The following PDE1C variants were observed in gnomAD, a reference collection of about 807,000 sequenced individuals.
The protein encoded by PDE1C is phosphodiesterase 1C.
Under a neutral mutation model 93.1 loss-of-function variants are expected in PDE1C, and 62 were observed. The observed-to-expected ratio is 0.67, with a 90% CI of 0.54 to 0.82. The LOEUF is 0.82. Ranked by LOEUF, PDE1C falls within the 40% of genes least tolerant of loss-of-function variation. The pLI is 0.00. For missense variants in PDE1C, 742 were observed against 884.6 expected (o/e 0.84, Z 2.04); for synonymous variants, 325 against 310.1 (o/e 1.05, Z -0.50).
At chr7:32,121,758 T>G (rs1799313299) in intron 3 of PDE1C, among the ~76,000 whole-genome samples, 1 of 152,130 alleles carries the variant, frequency 6.6e-6, no homozygotes, top group South Asian at 2.1e-4. Flanking sequence ...TACCAGACAC[T>G]GCAAAAACAC....
chr7:32,059,285 GT>G (rs1794507681), intron 1 of PDE1C, among the ~76,000 whole-genome samples: 1 of 152,332 alleles, frequency 6.6e-6, no homozygotes, highest in Admixed American at 6.5e-5. Context: ...AAGCAGAGAT[GT>G]AAATAAGACA....
intron 16 of PDE1C, among the ~76,000 whole-genome samples, chr7:31,781,830 AAT>A (rs1783439141): frequency 6.6e-6 from 1 of 152,168 alleles, no homozygotes; most frequent in East Asian, 1.9e-4. Flanking sequence ...GTGTGATTTG[AAT>A]ATGTCTGTTC....
intron 3 of PDE1C, among the ~76,000 whole-genome samples, chr7:32,124,844 A>G (rs1376793390): frequency 1.3e-5 from 2 of 152,210 alleles, no homozygotes; most frequent in Non-Finnish European, 2.9e-5. Context: ...GCCAAAAGCA[A>G]TTGCAACAAG....
At chr7:31,922,762 A>C (rs1802786793) in intron 2 of PDE1C, among the ~76,000 whole-genome samples, 1 of 152,192 alleles carries the variant, frequency 6.6e-6, no homozygotes, top group Admixed American at 6.5e-5. Flanking sequence ...AAAATCGTTC[A>C]CTCAGTGGTT....
intron 1 of PDE1C, among the ~76,000 whole-genome samples, chr7:32,210,451 C>A (rs1805938848): frequency 6.6e-6 from 1 of 152,210 alleles, no homozygotes; most frequent in African/African-American, 2.4e-5. Flanking sequence ...CTAACGTCAT[C>A]ATGAATGTAT....
At chr7:32,295,929 T>C (rs953633895) in intron 1 of PDE1C, among the ~76,000 whole-genome samples, 11 of 149,746 alleles carry the variant, frequency 7.3e-5, no homozygotes, top group African/African-American at 1.2e-4. Flanking sequence ...GTACTTATGA[T>C]ATACTCAAAG....
the PDE1C span, among the ~76,000 whole-genome samples, chr7:31,739,775 C>T: frequency 6.6e-6 from 1 of 152,070 alleles, no homozygotes; most frequent in South Asian, 2.1e-4. Context: ...CCCAACTAAA[C>T]AAAAATGTAA....
At position 31,809,115 on chromosome 7, in the gene PDE1C, G is replaced by A; in HGVS notation, c.1814-7C>T. On this transcript the variant is annotated splice_region_variant and splice_polypyrimidine_tract_variant and intron_variant, in intron 15 of 17. Transcript: ENST00000396191. ...TTACCATCTTTGAAGTCACCTGAAA[G>A]TAATAAACATGACAAACAGTATATG... The A allele has an allele frequency of 6.7e-7, 1 of 1,502,798 alleles. No individual in the cohort carries two copies. Among genetic ancestry groups the A allele is most frequent in the South Asian group, 1.1e-5 (1 of 88,554 alleles). The allele number at this position is 1,502,798 out of a possible 1,614,324, so 93.1% of individuals were successfully genotyped here.
At chr7:31,654,814 G>A in the PDE1C span, among the ~76,000 whole-genome samples, 2 of 152,172 alleles carry the variant, frequency 1.3e-5, no homozygotes, top group Admixed American at 6.5e-5. Flanking sequence ...TTCTTAGCAA[G>A]TAACCTCAGA....
intron 2 of PDE1C, among the ~76,000 whole-genome samples, chr7:32,043,419 G>C (rs1298638565): frequency 6.6e-6 from 1 of 152,154 alleles, no homozygotes; most frequent in East Asian, 1.9e-4. Context: ...AACTTTTGAA[G>C]CACCCTGATA....
intron 7 of PDE1C, among the ~76,000 whole-genome samples, chr7:31,861,972 C>T (rs560426744): frequency 8.5e-5 from 13 of 152,282 alleles, no homozygotes; most frequent in Admixed American, 5.9e-4. Flanking sequence ...CCACTGTCCC[C>T]ATCATGTGCT....
At chr7:31,998,105 T>C (rs549386348) in intron 2 of PDE1C, among the ~76,000 whole-genome samples, 165 of 152,288 alleles carry the variant, frequency 1.1e-3, no homozygotes, top group Non-Finnish European at 1.7e-3. Flanking sequence ...CTGCAATCTC[T>C]GCCTCCTGTG....
chr7:31,642,039 C>T, the PDE1C span: 2 of 508,440 alleles, frequency 3.9e-6, no homozygotes, highest in South Asian at 4.0e-5. Context: ...CTTGGAATTC[C>T]CTCATTTGTT....
the PDE1C span, among the ~76,000 whole-genome samples, chr7:31,735,424 A>C: frequency 7.1e-6 from 1 of 141,394 alleles, no homozygotes; most frequent in Non-Finnish European, 1.5e-5. Context: ...AAAAAAAAAA[A>C]AAGCACTGCC....
At chr7:32,139,716 T>C (rs557301008) in intron 3 of PDE1C, among the ~76,000 whole-genome samples, 1 of 152,302 alleles carries the variant, frequency 6.6e-6, no homozygotes, top group Non-Finnish European at 1.5e-5. Flanking sequence ...CTTTTTGATG[T>C]AATTTTAGCC....
At chr7:32,202,965 T>C (rs1805127453) in intron 2 of PDE1C, among the ~76,000 whole-genome samples, 2 of 152,082 alleles carry the variant, frequency 1.3e-5, no homozygotes, top group Admixed American at 1.3e-4. Context: ...ATAGAAACTT[T>C]ATACCCATGG....
At chr7:31,934,725 A>G (rs1390834736) in intron 2 of PDE1C, among the ~76,000 whole-genome samples, 1 of 152,174 alleles carries the variant, frequency 6.6e-6, no homozygotes, top group Admixed American at 6.6e-5. Context: ...CTCTTATGCC[A>G]TCATTCTCCT....
At chr7:32,057,974 G>C (rs1794334146) in intron 1 of PDE1C, among the ~76,000 whole-genome samples, 1 of 152,168 alleles carries the variant, frequency 6.6e-6, no homozygotes, top group Admixed American at 6.5e-5. Context: ...TTGAACAACA[G>C]CCATATGGGT....
intron 2 of PDE1C, among the ~76,000 whole-genome samples, chr7:31,934,243 T>C (rs1804710750): frequency 6.6e-6 from 1 of 152,170 alleles, no homozygotes; most frequent in Non-Finnish European, 1.5e-5. Context: ...AGAGATGCTA[T>C]ATTTGATGTA....
Sources: allele counts gnomAD v4.1 joint callset (sites outside exome capture counted in the v4.1 genomes callset), GRCh38; gene constraint gnomAD v4.1.1; transcripts MANE v1.5; gene names NCBI Gene and HGNC (gene_info 2026-07-23, HGNC 2026-07-21).